DIS3L2: variants seen among roughly 807,000 people sequenced by gnomAD.
The protein encoded by DIS3L2 is DIS3-like exonuclease 2.
In DIS3L2, 34 loss-of-function variants were observed where a neutral mutation model predicts 97.5. The observed-to-expected ratio is 0.35, with a 90% CI of 0.27 to 0.46. The LOEUF (loss-of-function observed/expected upper bound fraction) is 0.46, where lower values mean the gene tolerates loss of function less well. Among genes scored for constraint, DIS3L2 ranks in the 20% least tolerant of loss-of-function variants. The pLI is 1.00. For synonymous variants in DIS3L2, 435 were observed against 445.2 expected, an observed-to-expected ratio of 0.98 and a Z score of 0.29; for missense variants, 1,038 against 1,146.0, an observed-to-expected ratio of 0.91 and a Z score of 1.36.
intron 5 of DIS3L2, 54 bp from the exon 6 acceptor site, chr2:232,087,433 C>CT (rs35104431): frequency 0.061 from 62,986 of 1,029,062 alleles, no homozygotes; most frequent in Non-Finnish European, 0.068. Flanking sequence ...AAAATCTGCT[C>CT]TTTTTTTTTT....
At chr2:232,342,616 GAGTCCACTATTCTAGCAAC>G (rs1353919855) in intron 13 of DIS3L2, among the ~76,000 whole-genome samples, 1 of 152,238 alleles carries the variant, frequency 6.6e-6, no homozygotes, top group Non-Finnish European at 1.5e-5. Context: ...GTGTATGAAA[GAGTCCACTATTCTAGCAAC>G]AGATAAAATT....
intron 1 of DIS3L2, among the ~76,000 whole-genome samples, chr2:231,981,899 T>C (rs1458199666): frequency 2.6e-5 from 4 of 151,468 alleles, no homozygotes; most frequent in Non-Finnish European, 5.9e-5. Flanking sequence ...CTGGGCATCA[T>C]GGTGCGTGCC....
chr2:232,342,991 G>GT (rs1696146522), intron 13 of DIS3L2: 1 of 192,428 alleles, frequency 5.2e-6, no homozygotes, highest in Non-Finnish European at 1.1e-5. Context: ...AGGAGTCAGA[G>GT]TGGGGGGGCT....
intron 6 of DIS3L2, among the ~76,000 whole-genome samples, chr2:232,092,099 A>G (rs1696859350): frequency 6.6e-6 from 1 of 152,198 alleles, no homozygotes; most frequent in Non-Finnish European, 1.5e-5. Context: ...GTCTAGTTTC[A>G]TTCTTCTGCA....
At chr2:232,323,658 G>A (rs1695498173) in intron 14 of DIS3L2, among the ~76,000 whole-genome samples, 1 of 152,172 alleles carries the variant, frequency 6.6e-6, no homozygotes, top group Non-Finnish European at 1.5e-5. Context: ...ATTTCTCTGT[G>A]GTTTCATGGG....
At chr2:232,226,535 T>C (rs943866248) in intron 10 of DIS3L2, among the ~76,000 whole-genome samples, 4 of 152,242 alleles carry the variant, frequency 2.6e-5, no homozygotes, top group Non-Finnish European at 5.9e-5. Flanking sequence ...ATAAAACTAT[T>C]GTTATCATCC....
intron 5 of DIS3L2, among the ~76,000 whole-genome samples, chr2:232,076,706 C>T (rs1696197776): frequency 6.6e-6 from 1 of 151,918 alleles, no homozygotes; most frequent in East Asian, 1.9e-4. Flanking sequence ...TTTATTATAT[C>T]TTAGAATAAA....
chr2:232,035,987 A>G (rs1337435631), intron 5 of DIS3L2, among the ~76,000 whole-genome samples: 1 of 151,930 alleles, frequency 6.6e-6, no homozygotes. Context: ...TTCATTTCTG[A>G]CAATATGTGT....
At position 232,136,543 on chromosome 2, in the gene DIS3L2, C is replaced by T. The variant is rs1574902414; in HGVS notation, c.774C>T (p.Asn258=). ...TCCTCAAACTCTTGGCTGATAAGAA[C>T]AGCGAACTGTTTAGGAAATACGCCC... ...TGFLKLLADK[N]SELFRKYALF... is the part of the protein sequence containing the mutation. The change falls in exon 8 of 21, where the codon AAC becomes AAT. Residue 258 remains asparagine (N), a synonymous_variant. Transcript: ENST00000325385. 1.2e-6 allele frequency: 2 copies of T among 1,614,058 alleles called. No homozygotes were observed. Among genetic ancestry groups the T allele is most frequent in the Non-Finnish European group, 1.7e-6 (2 of 1,179,952 alleles).
chr2:232,329,977 G>A lies in DIS3L2; in HGVS notation c.1904G>A (p.Ser635Asn). The A allele has an allele frequency of 6.2e-7, 1 of 1,611,916 alleles. No individual in the cohort carries two copies. Among genetic ancestry groups the A allele is most frequent in the Non-Finnish European group, 8.5e-7 (1 of 1,179,150 alleles). The change falls in exon 15 of 21, where the codon AGC becomes AAC. Residue 635 changes from serine (S) to asparagine (N), a missense_variant. By Grantham distance (46) the Ser-to-Asn change is conservative. This residue lies in a region of DIS3L2 where 813 missense variants were observed against 880.1 expected (regional missense o/e 0.92). Transcript: ENST00000325385. ...CAGATGGGGCTGCCCGTGGACTTCA[G>A]CTCCGCAGGAGCCCTCAATGTGAGT... Reference protein sequence around the residue: ...CDQMGLPVDFSSAGALNKSLT... With the variant: ...CDQMGLPVDFNSAGALNKSLT...
intron 9 of DIS3L2, among the ~76,000 whole-genome samples, chr2:232,177,293 T>C (rs1422445120): frequency 2.0e-5 from 3 of 147,160 alleles, no homozygotes; most frequent in Non-Finnish European, 4.5e-5. Flanking sequence ...TATAGCAGCA[T>C]GATTTATAGT....
At chr2:232,033,055 T>C (rs1392897223) in intron 5 of DIS3L2, among the ~76,000 whole-genome samples, 1 of 152,216 alleles carries the variant, frequency 6.6e-6, no homozygotes, top group African/African-American at 2.4e-5. Flanking sequence ...TGGAATAGCA[T>C]TGAATCTAAA....
intron 9 of DIS3L2, among the ~76,000 whole-genome samples, chr2:232,182,349 G>A (rs1434600613): frequency 1.3e-5 from 2 of 152,120 alleles, no homozygotes; most frequent in African/African-American, 2.4e-5. Context: ...TATATGGTGT[G>A]GAGAATGTTC....
chr2:231,989,747 A>T (rs191760199), intron 1 of DIS3L2, among the ~76,000 whole-genome samples: 50 of 152,220 alleles, frequency 3.3e-4, no homozygotes, highest in Non-Finnish European at 4.4e-5. Flanking sequence ...AAGTGGGAGG[A>T]TTACTTGAGC....
intron 8 of DIS3L2, among the ~76,000 whole-genome samples, chr2:232,156,431 T>C (rs1477385889): frequency 6.6e-6 from 1 of 152,132 alleles, no homozygotes; most frequent in Non-Finnish European, 1.5e-5. Flanking sequence ...TATATGCTTA[T>C]AGAGATTGTT....
At chr2:232,278,767 T>C (rs886413684) in intron 13 of DIS3L2, among the ~76,000 whole-genome samples, 4 of 152,220 alleles carry the variant, frequency 2.6e-5, no homozygotes, top group African/African-American at 9.6e-5. Flanking sequence ...AATAATGCTG[T>C]ATTTGCCTAC....
intron 9 of DIS3L2, among the ~76,000 whole-genome samples, chr2:232,166,654 T>C (rs1690831097): frequency 6.6e-6 from 1 of 152,058 alleles, no homozygotes; most frequent in Non-Finnish European, 1.5e-5. Context: ...AGGCGGAGGT[T>C]GCAGTGAGCC....
chr2:232,329,785 T>TCCCGGGGGCCACCCC, intron 14 of DIS3L2, 28 bp from the exon 15 acceptor site: 1 of 967,144 alleles, frequency 1.0e-6, no homozygotes, highest in Non-Finnish European at 1.5e-6. Flanking sequence ...ACCCCAGCGG[T>TCCCGGGGGCCACCCC]CCCTCCCATC....
At chr2:232,099,940 T>C (rs926981596) in intron 6 of DIS3L2, among the ~76,000 whole-genome samples, 1 of 152,208 alleles carries the variant, frequency 6.6e-6, no homozygotes, top group African/African-American at 2.4e-5. Flanking sequence ...ATTTTAATTA[T>C]TTGAATCTTC....
Sources: gnomAD v4.1 joint callset for allele counts (sites outside exome capture counted in the v4.1 genomes callset) on GRCh38, gnomAD v4.1.1 for gene constraint, gnomAD v4.1.1 regional missense constraint, MANE v1.5 for transcripts, NCBI Gene and HGNC (gene_info 2026-07-23, HGNC 2026-07-21) for gene names.